DCP1A: variants seen among roughly 807,000 people sequenced by gnomAD.
DCP1A encodes mRNA-decapping enzyme 1A.
In DCP1A, 20 loss-of-function variants were observed where a neutral mutation model predicts 58.0. That is an observed-to-expected ratio of 0.34 (90% CI 0.24 to 0.50). The LOEUF (loss-of-function observed/expected upper bound fraction) is 0.50, where lower values mean the gene tolerates loss of function less well. DCP1A is among the 20% of genes least tolerant of loss of function. The probability of loss-of-function intolerance (pLI) is 0.98; values close to 1 mark genes in which losing one functional copy is unlikely to be tolerated. For synonymous variants in DCP1A, 285 were observed against 275.1 expected, an observed-to-expected ratio of 1.04 and a Z score of -0.36; for missense variants, 613 against 712.2, an observed-to-expected ratio of 0.86 and a Z score of 1.59.
chr3:53,306,217 T>C (rs73843115), intron 5 of DCP1A, among the ~76,000 whole-genome samples: 1,570 of 152,282 alleles, frequency 0.01, 21 homozygotes, highest in African/African-American at 0.036. Context: ...CAGAACATCA[T>C]TTACTCAGTG....
chr3:53,322,842 C>T (rs1400966849), intron 3 of DCP1A, among the ~76,000 whole-genome samples: 8 of 147,462 alleles, frequency 5.4e-5, no homozygotes, highest in Non-Finnish European at 3.0e-5. Context: ...GAGATGGAGT[C>T]TCACTGTCAC....
At position 53,341,105 on chromosome 3, in the gene DCP1A, G is replaced by A. The variant is rs942486013; in HGVS notation, c.304+1039C>T. ...AAACATATTCAGACAAAATAAAGTA[G>A]AAAAAGTAATAAATATCTTAAAAAA... On this transcript the variant is annotated intron_variant, in intron 3 of 9. Coordinates refer to ENST00000610213, the MANE Select transcript of DCP1A (RefSeq NM_018403.7). Among the ~76,000 whole-genome samples, 5 of 151,282 alleles carry A rather than the reference G, an allele frequency of 3.3e-5. 1 individual carries two copies. Among genetic ancestry groups the A allele is most frequent in the Admixed American group, 3.3e-4 (5 of 15,200 alleles).
At chr3:53,294,111 A>C (rs1243830659) in intron 6 of DCP1A, among the ~76,000 whole-genome samples, 1 of 152,222 alleles carries the variant, frequency 6.6e-6, no homozygotes, top group East Asian at 1.9e-4. Context: ...GAAAGAGAGA[A>C]GAAGCGGGCA....
intron 4 of DCP1A, among the ~76,000 whole-genome samples, chr3:53,312,897 T>C (rs1707693583): frequency 6.6e-6 from 1 of 152,190 alleles, no homozygotes; most frequent in South Asian, 2.1e-4. Flanking sequence ...TATTTACCCT[T>C]CAGAAGGATA....
At chr3:53,295,741 CCTT>C (rs1707101959) in intron 6 of DCP1A, among the ~76,000 whole-genome samples, 1 of 152,102 alleles carries the variant, frequency 6.6e-6, no homozygotes, top group Non-Finnish European at 1.5e-5. Context: ...CCAGCATAAT[CCTT>C]CTAATTTAGT....
chr3:53,342,362 A>T, intron 2 of DCP1A, 91 bp from the exon 3 acceptor site: 1 of 979,840 alleles, frequency 1.0e-6, no homozygotes. Flanking sequence ...ATTTCAAAAA[A>T]GAATGCATTA....
chr3:53,289,519 G>C (rs1211673574), intron 8 of DCP1A, among the ~76,000 whole-genome samples: 2 of 151,522 alleles, frequency 1.3e-5, no homozygotes, highest in Non-Finnish European at 2.9e-5. Flanking sequence ...CGCTGAAGCA[G>C]GAGAATCATT....
intron 1 of DCP1A, among the ~76,000 whole-genome samples, chr3:53,345,205 A>G (rs2089277755): frequency 6.6e-6 from 1 of 152,194 alleles, no homozygotes; most frequent in African/African-American, 2.4e-5. Context: ...TTTTTTAATT[A>G]GTAAAGGAGA....
chr3:53,324,124 T>C (rs1284084634), intron 3 of DCP1A, among the ~76,000 whole-genome samples: 3 of 152,254 alleles, frequency 2.0e-5, no homozygotes, highest in Non-Finnish European at 4.4e-5. Flanking sequence ...ACATGCCTTC[T>C]GCTTTTGTAT....
intron 6 of DCP1A, among the ~76,000 whole-genome samples, chr3:53,296,306 C>T (rs1473427886): frequency 1.3e-5 from 2 of 152,198 alleles, no homozygotes; most frequent in Non-Finnish European, 2.9e-5. Flanking sequence ...GGTAAGATAA[C>T]CAAGGCTAGG....
Position 53,317,703 on chromosome 3 carries a change from TA to T in DCP1A, c.371+1703del, listed in dbSNP as rs561877857. Among the ~76,000 whole-genome samples, 30 of 152,232 alleles carry T rather than the reference TA, an allele frequency of 2.0e-4. 2 individuals carry two copies. In the South Asian group the frequency reaches 5.8e-3, roughly 29 times the overall value. On this transcript the variant is annotated intron_variant, in intron 4 of 9. Transcript: ENST00000610213. ...CTATCTCAAAAGAAAAAAATTAAATTAAAAAATGAAAAATAGTTTTATCTTT... is the reference window on the plus strand; with the variant it reads ...CTATCTCAAAAGAAAAAAATTAAATTAAAAATGAAAAATAGTTTTATCTTT...
intron 5 of DCP1A, among the ~76,000 whole-genome samples, chr3:53,307,995 G>A (rs1427091907): frequency 6.6e-6 from 1 of 152,030 alleles, no homozygotes; most frequent in Non-Finnish European, 1.5e-5. Flanking sequence ...AATAGTTACT[G>A]TCAATAAAAA....
intron 3 of DCP1A, among the ~76,000 whole-genome samples, chr3:53,335,139 T>A (rs1284739331): frequency 2.7e-5 from 4 of 150,258 alleles, no homozygotes; most frequent in Non-Finnish European, 4.4e-5. Flanking sequence ...ATTTTTTTTA[T>A]TTTTATTTAT....
chr3:53,306,627 C>T (rs1304176167), intron 5 of DCP1A, among the ~76,000 whole-genome samples: 3 of 151,710 alleles, frequency 2.0e-5, no homozygotes, highest in Non-Finnish European at 4.4e-5. Flanking sequence ...AAAAATTAGC[C>T]AGGCGTGGTG....
At chr3:53,321,457 C>T (rs891897232) in intron 3 of DCP1A, among the ~76,000 whole-genome samples, 5 of 152,182 alleles carry the variant, frequency 3.3e-5, no homozygotes, top group Admixed American at 6.5e-5. Flanking sequence ...TGGTGGCTCA[C>T]GCCTGTAATC....
intron 6 of DCP1A, among the ~76,000 whole-genome samples, chr3:53,299,621 A>G (rs1178723230): frequency 6.6e-6 from 1 of 152,224 alleles, no homozygotes; most frequent in Non-Finnish European, 1.5e-5. Context: ...AACAAAATAC[A>G]CTACAGAAAC....
At chr3:53,317,152 T>C (rs1439251964) in intron 4 of DCP1A, among the ~76,000 whole-genome samples, 1 of 151,910 alleles carries the variant, frequency 6.6e-6, no homozygotes. Flanking sequence ...CTGTGCCTTT[T>C]TGTTGTTGTT....
rs982048002 is a variant in DCP1A, at chr3:53,308,443, C to T, written c.510+3798G>A. ...AACAGCCAGGACCACAGGTGCACAC[C>T]ACCACACCTGGCTGATTTTTAAATT... On this transcript the variant is annotated intron_variant, in intron 5 of 9. Transcript: ENST00000610213. 2.6e-5 allele frequency among the ~76,000 whole-genome samples: 4 copies of T among 152,090 alleles called. No individual in the cohort carries two copies. In the South Asian group the frequency reaches 8.3e-4, roughly 32 times the overall value.
chr3:53,316,042 C>T (rs1252895664), intron 4 of DCP1A, among the ~76,000 whole-genome samples: 1 of 152,004 alleles, frequency 6.6e-6, no homozygotes, highest in Non-Finnish European at 1.5e-5. Context: ...GCGTGAGCCA[C>T]CGCGCCCAGC....
Sources: allele counts gnomAD v4.1 joint callset (sites outside exome capture counted in the v4.1 genomes callset), GRCh38; gene constraint gnomAD v4.1.1; transcripts MANE v1.5; gene names NCBI Gene and HGNC (gene_info 2026-07-23, HGNC 2026-07-21).